Variants in AKR1B1 observed in about 807,000 individuals in gnomAD.
AKR1B1 encodes the protein aldo-keto reductase family 1 member B.
Under a neutral mutation model 40.4 loss-of-function variants are expected in AKR1B1, and 22 were observed. The observed-to-expected ratio is 0.54, with a 90% confidence interval of 0.39 to 0.78. The LOEUF (loss-of-function observed/expected upper bound fraction) is 0.78, where lower values mean the gene tolerates loss of function less well. Among genes scored for constraint, AKR1B1 ranks in the 30% least tolerant of loss-of-function variants. The pLI, the probability that AKR1B1 is intolerant of heterozygous loss-of-function variation, is 0.00. For synonymous variants in AKR1B1, 157 were observed against 149.9 expected, an observed-to-expected ratio of 1.05 and a Z score of -0.35; for missense variants, 357 against 396.7, an observed-to-expected ratio of 0.90 and a Z score of 0.85.
At position 134,447,487 on chromosome 7, in the gene AKR1B1, C is replaced by A. The variant is rs1025103708; in HGVS notation, c.742-106G>T. ...TGCAGAAGGACGTGCTAGAACTCCA[C>A]AGGTGATCAGAGAGGGGCTCCAAGA... On this transcript the variant is annotated intron_variant, in intron 7 of 9. Transcript: ENST00000285930. 3.1e-6 allele frequency: 3 copies of A among 979,206 alleles called. No homozygotes were observed. The African/African-American group carries it at 4.8e-5, about 16-fold the overall frequency. The allele number at this position is 979,206 out of a possible 1,614,324, so 60.7% of individuals were successfully genotyped here.
At chr7:134,447,434 A>C (rs189699480) in intron 7 of AKR1B1, 53 bp from the exon 8 acceptor site, 2 of 1,463,376 alleles carry the variant, frequency 1.4e-6, no homozygotes, top group East Asian at 4.5e-5. Flanking sequence ...ACTCGCACCC[A>C]TCATCTCAGT....
intron 4 of AKR1B1, chr7:134,449,381 T>G (rs1009386150): frequency 1.7e-4 from 98 of 569,572 alleles, no homozygotes; most frequent in South Asian, 4.2e-4. Context: ...GGTCAGGAGA[T>G]CAAGACCATC....
At chr7:134,447,809 C>T in intron 7 of AKR1B1, 171 bp downstream of exon 7, 2 of 717,472 alleles carry the variant, frequency 2.8e-6, no homozygotes, top group East Asian at 5.4e-5. Flanking sequence ...AGAGCCCATG[C>T]CAGAGTCTTC....
At chr7:134,458,460 T>A (rs887803393) in intron 1 of AKR1B1, among the ~76,000 whole-genome samples, 2 of 152,132 alleles carry the variant, frequency 1.3e-5, no homozygotes, top group African/African-American at 4.8e-5. Flanking sequence ...TCTACCGGCT[T>A]GAGATGCTTA....
chr7:134,442,496 G>A lies in AKR1B1; in HGVS notation c.*232C>T, dbSNP rs1369067251. On this transcript the variant is annotated 3_prime_UTR_variant, in exon 10 of 10. Coordinates refer to ENST00000285930, the MANE Select transcript of AKR1B1 (RefSeq NM_001628.4). Reference sequence around the variant, plus strand: ...TCTTTGGTCAGAAAAGGGTATTCAGGTTGTACTTTCCCCAGCAGGGTAGAA... The same window carrying A: ...TCTTTGGTCAGAAAAGGGTATTCAGATTGTACTTTCCCCAGCAGGGTAGAA... 2 of 518,538 alleles carry A rather than the reference G, an allele frequency of 3.9e-6. No homozygotes were observed. The highest frequency in any genetic ancestry group is 3.5e-6 in the Non-Finnish European group (1 of 287,918). 32.1% of individuals were successfully genotyped at this position (518,538 alleles called of 1,614,324 possible). A position where few individuals can be genotyped will look rare whatever the true frequency, so the allele number is the denominator to read the frequency against.
chr7:134,456,509 G>T (rs1250444267), intron 1 of AKR1B1, among the ~76,000 whole-genome samples: 1 of 151,478 alleles, frequency 6.6e-6, no homozygotes, highest in African/African-American at 2.4e-5. Flanking sequence ...CCAGGGAAAG[G>T]TTTTAAGTCA....
chr7:134,453,354 C>G (rs1323287395), intron 1 of AKR1B1, among the ~76,000 whole-genome samples: 4 of 152,148 alleles, frequency 2.6e-5, no homozygotes, highest in African/African-American at 9.7e-5. Context: ...TGAATTGGAA[C>G]CCCTGAGTCC....
intron 7 of AKR1B1, 59 bp from the exon 8 acceptor site, chr7:134,447,440 TCA>T (rs1806139686): frequency 3.5e-6 from 5 of 1,419,714 alleles, no homozygotes; most frequent in African/African-American, 2.8e-5. Flanking sequence ...ACCCATCATC[TCA>T]GTCTCTCACA....
At chr7:134,459,209 G>C, upstream of AKR1B1, 1 of 968,828 alleles carries the variant, frequency 1.0e-6, no homozygotes, top group Non-Finnish European at 1.6e-6. Flanking sequence ...TTGCGCTGGG[G>C]GTGCCGCGGC....
chr7:134,450,449 G>C (rs1806248263), intron 3 of AKR1B1, among the ~76,000 whole-genome samples: 1 of 152,200 alleles, frequency 6.6e-6, no homozygotes. Flanking sequence ...GGCCAGGGCT[G>C]ACCGTGCCTC....
chr7:134,451,436 C>T, intron 2 of AKR1B1, 150 bp downstream of exon 2: 3 of 942,408 alleles, frequency 3.2e-6, no homozygotes, highest in Non-Finnish European at 5.0e-6. Flanking sequence ...AGCTCTGGAG[C>T]CCTGTATGGC....
At chr7:134,451,948 T>C in intron 1 of AKR1B1, 195 bp from the exon 2 acceptor site, 3 of 657,628 alleles carry the variant, frequency 4.6e-6, no homozygotes, top group Non-Finnish European at 8.3e-6. Context: ...CCACACAGCA[T>C]TGCCCTGTAG....
At chr7:134,450,989 A>C in intron 2 of AKR1B1, 87 bp from the exon 3 acceptor site, 2 of 1,073,834 alleles carry the variant, frequency 1.9e-6, no homozygotes, top group Non-Finnish European at 2.9e-6. Flanking sequence ...CTCTCCCCAA[A>C]ACCCATTTGC....
intron 8 of AKR1B1, among the ~76,000 whole-genome samples, chr7:134,446,817 A>T (rs1445238426): frequency 6.6e-6 from 1 of 152,246 alleles, no homozygotes; most frequent in African/African-American, 2.4e-5. Context: ...ACATTTCTCG[A>T]TCACTTACTA....
At chr7:134,452,842 G>A (rs938807523) in intron 1 of AKR1B1, among the ~76,000 whole-genome samples, 5 of 152,150 alleles carry the variant, frequency 3.3e-5, no homozygotes, top group Non-Finnish European at 7.4e-5. Flanking sequence ...GAACAAGCCC[G>A]TTACCAGAGC....
intron 1 of AKR1B1, among the ~76,000 whole-genome samples, chr7:134,453,202 T>C (rs1283762927): frequency 6.6e-6 from 1 of 152,186 alleles, no homozygotes; most frequent in East Asian, 1.9e-4. Flanking sequence ...CCAGGCTTGA[T>C]GGCGCCTTGA....
At chr7:134,447,757 G>A in intron 7 of AKR1B1, 1 of 646,908 alleles carries the variant, frequency 1.5e-6, no homozygotes, top group Non-Finnish European at 2.8e-6. Flanking sequence ...GGCCCTCGTG[G>A]CAGTCACCCT....
chr7:134,451,399 C>G (rs774987567), intron 2 of AKR1B1, 187 bp downstream of exon 2: 13 of 715,428 alleles, frequency 1.8e-5, no homozygotes, highest in Middle Eastern at 3.7e-4. Flanking sequence ...ATGGAATGAC[C>G]ATTCAACAGA....
At chr7:134,451,242 T>C (rs866216072) in intron 2 of AKR1B1, 38 of 525,336 alleles carry the variant, frequency 7.2e-5, no homozygotes, top group East Asian at 6.0e-4. Flanking sequence ...TGTGCATCAG[T>C]ATCTCAGGTC....
Sources: allele counts gnomAD v4.1 joint callset (sites outside exome capture counted in the v4.1 genomes callset), GRCh38; gene constraint gnomAD v4.1.1; transcripts MANE v1.5; gene names NCBI Gene and HGNC (gene_info 2026-07-23, HGNC 2026-07-21).